Variants in TXLNA observed in about 807,000 individuals in gnomAD.
TXLNA encodes the protein taxilin alpha, also known as alpha-taxilin.
TXLNA carries 9 observed loss-of-function variants against 61.4 expected under a neutral mutation model. That is an observed-to-expected ratio of 0.15 (90% CI 0.09 to 0.26). TXLNA has a LOEUF of 0.26. Among genes scored for constraint, TXLNA ranks in the 10% least tolerant of loss-of-function variants. The pLI is 1.00. For missense variants in TXLNA, 565 were observed against 688.8 expected (o/e 0.82, Z 2.01); for synonymous variants, 257 against 267.7 (o/e 0.96, Z 0.39).
chr1:32,195,977 CTT>C lies in TXLNA; in HGVS notation c.*796_*797del, dbSNP rs112648110. 0.029 allele frequency: 4,497 copies of C among 155,036 alleles called. 177 individuals are homozygous for C. Among genetic ancestry groups the C allele is most frequent in the African/African-American group, 0.11 (3,961 of 37,114 alleles). The allele number at this position is 155,036 out of a possible 1,614,324, so 9.6% of individuals were successfully genotyped here. On this transcript the variant is annotated 3_prime_UTR_variant, in exon 11 of 11. Coordinates refer to ENST00000373610, the MANE Select transcript of TXLNA (RefSeq NM_175852.4). The stretch of plus-strand genomic sequence containing the variant: ...GGTGTTTTTTTCTTTATTTCTTTTT[CTT>C]TTTTTTTTTTTTTCTTTTTCTTTTT...
In TXLNA at chr1:32,192,536, C is replaced by G; in HGVS notation, c.1083+106C>G. 2 of 1,591,098 alleles carry G rather than the reference C, an allele frequency of 1.3e-6. No individual in the cohort carries two copies. Among genetic ancestry groups the G allele is most frequent in the Non-Finnish European group, 8.6e-7 (1 of 1,164,170 alleles). ...GGGAGAAGTCTGGCCAGACCAGGCA[C>G]AGATTCCTTGAGTACCAGTCTGAGA... On this transcript the variant is annotated intron_variant, in intron 7 of 10. Transcript: ENST00000373610. This position sits in a 1 kb window ranked among gnomAD's most constrained non-coding sequence, Gnocchi z 4.2.
Position 32,190,212 on chromosome 1 carries a change from T to C in TXLNA, c.926T>C (p.Leu309Pro). 6.2e-7 allele frequency: 1 copy of C among 1,605,930 alleles called. No individual in the cohort carries two copies. The change falls in exon 6 of 11, where the codon CTC (leucine) becomes CCC (proline). Residue 309 changes from leucine (L) to proline (P), a missense_variant. Leu to Pro is a moderately conservative substitution (Grantham distance 98). Around this residue, in one of 2 missense-constraint regions of TXLNA, gnomAD observed 373 missense variants for 504.0 expected, o/e 0.74. Transcript: ENST00000373610. ...GAGAACATGGAGCTGGCTGAGAGGCTCAAGAAGCTGATTGAGCAGTATGAG... is the reference window on the plus strand; with the variant it reads ...GAGAACATGGAGCTGGCTGAGAGGCCCAAGAAGCTGATTGAGCAGTATGAG... Reference protein sequence around the residue: ...RQENMELAERLKKLIEQYELR... With the variant: ...RQENMELAERPKKLIEQYELR...
Position 32,180,512 on chromosome 1 carries a change from A to C in TXLNA, c.167A>C (p.Glu56Ala). The C allele has an allele frequency of 1.9e-6, 3 of 1,598,514 alleles. No individual in the cohort carries two copies. The South Asian group carries it at 3.3e-5, about 18-fold the overall frequency. ...AGCAGCCAGGCTCCTCGGAAGCCGGAGGGTGTGTGCCAGCTCTGCGTTGCC... is the reference window on the plus strand; with the variant it reads ...AGCAGCCAGGCTCCTCGGAAGCCGGCGGGTGTGTGCCAGCTCTGCGTTGCC... The part of the protein sequence containing the change: ...PGSSQAPRKP[E>A]GAQARTAQSG... Residue 56 changes from glutamate to alanine, a missense_variant and splice_region_variant, in exon 2 of 11, where the codon GAG (glutamate) becomes GCG (alanine). By Grantham distance (107) the Glu-to-Ala change is moderately radical (BLOSUM62 -1). Transcript: ENST00000373610.
At chr1:32,182,217 G>A (rs1210147939) in intron 3 of TXLNA, among the ~76,000 whole-genome samples, 2 of 150,662 alleles carry the variant, frequency 1.3e-5, no homozygotes, top group Non-Finnish European at 2.9e-5. Context: ...AAACCCATCC[G>A]TGGGTTGGAT....
At chr1:32,191,202 T>G (rs1408833764) in intron 6 of TXLNA, among the ~76,000 whole-genome samples, 1 of 152,020 alleles carries the variant, frequency 6.6e-6, no homozygotes, top group Non-Finnish European at 1.5e-5. Context: ...CTGGCTGTTC[T>G]GGGCGCGTTC....
At chr1:32,184,085 G>A (rs1642731166) in intron 3 of TXLNA, among the ~76,000 whole-genome samples, 1 of 152,216 alleles carries the variant, frequency 6.6e-6, no homozygotes, top group African/African-American at 2.4e-5. Context: ...CTGTTGACAA[G>A]AGTTTAGTAT....
At chr1:32,190,335 C>G in intron 6 of TXLNA, 86 bp downstream of exon 6, 1 of 1,286,518 alleles carries the variant, frequency 7.8e-7, no homozygotes, top group Non-Finnish European at 1.1e-6. Flanking sequence ...CCTTTTCAGG[C>G]TTCATCCCAT....
At position 32,184,539 on chromosome 1, in the gene TXLNA, T is replaced by C; in HGVS notation, c.520T>C (p.Leu174=). 3 of 1,613,492 alleles carry C rather than the reference T, an allele frequency of 1.9e-6. No homozygotes were observed. The highest frequency in any genetic ancestry group is 2.5e-6 in the Non-Finnish European group (3 of 1,179,452). ...KAKGLGKEIT[L]LMQTLNTLST... ...GTGCTTTTCAGGGAAGGAGATCACG[T>C]TGCTGATGCAGACATTGAATACTCT... The change falls in exon 4 of 11, where the codon TTG becomes CTG. Residue 174 remains leucine, a synonymous_variant. Transcript: ENST00000373610.
In TXLNA at chr1:32,196,115, T is replaced by C. The variant is rs1643019892; in HGVS notation, c.*920T>C. 6.3e-6 allele frequency: 1 copy of C among 158,996 alleles called. No individual in the cohort carries two copies. Among genetic ancestry groups the C allele is most frequent in the South Asian group, 1.6e-4 (1 of 6,166 alleles). 9.8% of individuals were successfully genotyped at this position (158,996 alleles called of 1,614,324 possible). A position where few individuals can be genotyped will look rare whatever the true frequency, so the allele number is the denominator to read the frequency against. ...TGTCCCACCTCCTTCACCACCCCAC[T>C]TGGCTCCTTTGCCATCTTGATGCTG... On this transcript the variant is annotated 3_prime_UTR_variant, in exon 11 of 11. Transcript: ENST00000373610.
At chr1:32,189,842 G>A (rs1642866988) in intron 5 of TXLNA, among the ~76,000 whole-genome samples, 1 of 152,116 alleles carries the variant, frequency 6.6e-6, no homozygotes, top group African/African-American at 2.4e-5. Context: ...CGCCTGCCAT[G>A]TGCCTGCATT....
At position 32,193,526 on chromosome 1, in the gene TXLNA, T is replaced by TTTGTTGTTG. The variant is rs373486404; in HGVS notation, c.1251+250_1251+258dup. On this transcript the variant is annotated intron_variant, in intron 9 of 10. Coordinates refer to ENST00000373610, the MANE Select transcript of TXLNA (RefSeq NM_175852.4). ...CTGTTTGTTTGGTTTTTTTGGGGGG[T>TTTGTTGTTG]TTGTTGTTGTTGTTGTTGTTGTTGT... 1.9e-3 allele frequency among the ~76,000 whole-genome samples: 278 copies of TTTGTTGTTG among 148,928 alleles called. 1 individual carries two copies. Among genetic ancestry groups the TTTGTTGTTG allele is most frequent in the African/African-American group, 5.3e-3 (216 of 40,448 alleles).
chr1:32,188,241 ACATAAGT>A, intron 5 of TXLNA, 117 bp downstream of exon 5: 1 of 1,079,100 alleles, frequency 9.3e-7, no homozygotes, highest in Non-Finnish European at 1.3e-6. Context: ...GCAGTGGCAC[ACATAAGT>A]GATTAAAAAT....
chr1:32,193,633 C>T (rs1642953569), intron 9 of TXLNA, among the ~76,000 whole-genome samples: 2 of 152,074 alleles, frequency 1.3e-5, no homozygotes, highest in Admixed American at 1.3e-4. Context: ...CTTTGCCCCC[C>T]GGGTTCAAGT....
intron 4 of TXLNA, among the ~76,000 whole-genome samples, chr1:32,185,889 A>C (rs1009970684): frequency 2.3e-5 from 3 of 132,628 alleles, no homozygotes; most frequent in African/African-American, 8.6e-5. Flanking sequence ...TAGTAGAGAC[A>C]GAGTTTCAGT....
Position 32,187,885 on chromosome 1 carries a change from T to C in TXLNA, c.598-69T>C. The C allele has an allele frequency of 2.6e-6, 4 of 1,551,968 alleles. 1 individual carries two copies. In the South Asian group the frequency reaches 4.9e-5, roughly 19 times the overall value. ...AGGGCAGCTCAGGAGACCCTAGACC[T>C]GCATAGTGATCCCCCCACCAGGAAG... On this transcript the variant is annotated intron_variant, in intron 4 of 10. Transcript: ENST00000373610.
Position 32,192,368 on chromosome 1 carries a change from C to T in TXLNA, c.1021C>T (p.Leu341Phe), listed in dbSNP as rs1642926199. 24 of 1,614,264 alleles carry T rather than the reference C, an allele frequency of 1.5e-5. No homozygotes were observed. The highest frequency in any genetic ancestry group is 1.9e-5 in the Non-Finnish European group (23 of 1,180,042). The part of the protein sequence containing the change: ...DLQQQLVDAK[L>F]QQAQEMLKEA... ...ACAACAGCAGCTGGTGGATGCCAAG[C>T]TCCAGCAGGCCCAGGAGATGCTAAA... is the stretch of plus-strand genomic sequence containing the variant. The change falls in exon 7 of 11, where the codon CTC (leucine) becomes TTC (phenylalanine). Residue 341 changes from leucine to phenylalanine, a missense_variant. Around this residue, in one of 2 missense-constraint regions of TXLNA, gnomAD observed 373 missense variants for 504.0 expected, o/e 0.74. Coordinates refer to ENST00000373610, the MANE Select transcript of TXLNA (RefSeq NM_175852.4). The surrounding 1 kb of genome is among the most constrained non-coding windows in gnomAD (Gnocchi z 4.2).
At chr1:32,185,356 G>GTGTATGTATGTA (rs543538012) in intron 4 of TXLNA, among the ~76,000 whole-genome samples, 2 of 151,044 alleles carry the variant, frequency 1.3e-5, no homozygotes, top group African/African-American at 2.4e-5. Context: ...GTCACAGCCT[G>GTGTATGTATGTA]TGTATGTATG....
At chr1:32,194,831 T>C in intron 10 of TXLNA, 71 bp from the exon 11 acceptor site, 1 of 1,519,288 alleles carries the variant, frequency 6.6e-7, no homozygotes, top group South Asian at 1.3e-5. Flanking sequence ...TTAAAGTGTT[T>C]GCCGCCAAGT....
At chr1:32,182,499 T>TA (rs1642686432) in intron 3 of TXLNA, among the ~76,000 whole-genome samples, 1 of 151,448 alleles carries the variant, frequency 6.6e-6, no homozygotes, top group Non-Finnish European at 1.5e-5. Flanking sequence ...CCGTCTCTAC[T>TA]AAAAATACAA....
Sources: allele counts gnomAD v4.1 joint callset (sites outside exome capture counted in the v4.1 genomes callset), GRCh38; gene constraint gnomAD v4.1.1; regional missense constraint gnomAD v4.1.1; non-coding constraint Gnocchi (gnomAD v3.1); transcripts MANE v1.5; gene names NCBI Gene and HGNC (gene_info 2026-07-23, HGNC 2026-07-21).